Variants in RFX4 observed in about 807,000 individuals in gnomAD.
RFX4 encodes the protein regulatory factor X4.
Under a neutral mutation model 95.0 loss-of-function variants are expected in RFX4, and 10 were observed. The observed-to-expected ratio is 0.11, with a 90% CI of 0.06 to 0.18. The LOEUF (loss-of-function observed/expected upper bound fraction) is 0.18, where lower values mean the gene tolerates loss of function less well. Among genes scored for constraint, RFX4 ranks in the 10% least tolerant of loss-of-function variants. The pLI, the probability that RFX4 is intolerant of heterozygous loss-of-function variation, is 1.00. For missense variants in RFX4, 640 were observed against 922.0 expected (o/e 0.69, Z 3.96); for synonymous variants, 321 against 340.7 (o/e 0.94, Z 0.64).
At chr12:106,611,929 G>T (rs1179491735) in intron 2 of RFX4, among the ~76,000 whole-genome samples, 1 of 152,212 alleles carries the variant, frequency 6.6e-6, no homozygotes, top group African/African-American at 2.4e-5. Context: ...ATTTGATCAT[G>T]TATGTGGAGG....
chr12:106,603,640 A>G (rs1364143133), intron 1 of RFX4, among the ~76,000 whole-genome samples: 1 of 152,202 alleles, frequency 6.6e-6, no homozygotes, highest in African/African-American at 2.4e-5. Flanking sequence ...ATTTTTATAG[A>G]TCAAGAATGA....
intron 10 of RFX4, among the ~76,000 whole-genome samples, chr12:106,713,359 G>A (rs186251527): frequency 6.6e-6 from 1 of 152,150 alleles, no homozygotes; most frequent in Non-Finnish European, 1.5e-5. Context: ...GCCCAATACT[G>A]TGCTTAGTGG....
At chr12:106,635,280 T>G (rs1027329742) in intron 2 of RFX4, among the ~76,000 whole-genome samples, 1 of 152,176 alleles carries the variant, frequency 6.6e-6, no homozygotes, top group Non-Finnish European at 1.5e-5. Context: ...AGATTTTGGT[T>G]GTTTTTCTTG....
intron 8 of RFX4, among the ~76,000 whole-genome samples, chr12:106,697,820 C>A (rs1181734436): frequency 6.6e-6 from 1 of 152,194 alleles, no homozygotes; most frequent in East Asian, 1.9e-4. Context: ...GGATGATGTC[C>A]TAGCCTAGGC....
At chr12:106,714,742 C>G (rs758406669) in intron 10 of RFX4, among the ~76,000 whole-genome samples, 25 of 152,088 alleles carry the variant, frequency 1.6e-4, no homozygotes, top group Non-Finnish European at 2.8e-4. Flanking sequence ...AAAAAAAATA[C>G]ATATATATAA....
intron 3 of RFX4, among the ~76,000 whole-genome samples, chr12:106,651,957 G>A (rs1360234960): frequency 2.0e-5 from 3 of 152,192 alleles, no homozygotes; most frequent in Admixed American, 1.3e-4. Context: ...CTACAAGTTT[G>A]TACGCGAGCT....
chr12:106,590,472 C>T (rs1037194138), intron 1 of RFX4, among the ~76,000 whole-genome samples: 1 of 152,132 alleles, frequency 6.6e-6, no homozygotes, highest in African/African-American at 2.4e-5. Flanking sequence ...TAGAAGCTGA[C>T]ATGTTCAATA....
At chr12:106,753,489 G>T (rs933697550) in intron 17 of RFX4, among the ~76,000 whole-genome samples, 3 of 152,110 alleles carry the variant, frequency 2.0e-5, no homozygotes, top group South Asian at 4.2e-4. Flanking sequence ...TGACGCGCAC[G>T]GAGACCCTAA....
chr12:106,714,774 C>T (rs567724545), intron 10 of RFX4: 5 of 152,140 alleles, frequency 3.3e-5, no homozygotes, highest in African/African-American at 1.2e-4. Context: ...CTATACACAT[C>T]CCTCCATCCA....
At chr12:106,611,895 G>T (rs1438170162) in intron 2 of RFX4, among the ~76,000 whole-genome samples, 1 of 152,182 alleles carries the variant, frequency 6.6e-6, no homozygotes, top group Non-Finnish European at 1.5e-5. Flanking sequence ...CCCATTGAAT[G>T]TCTTGGCACC....
At chr12:106,599,046 CAACAGGAGATGGCACTG>C (rs914775304) in intron 1 of RFX4, among the ~76,000 whole-genome samples, 1 of 152,098 alleles carries the variant, frequency 6.6e-6, no homozygotes, top group African/African-American at 2.4e-5. Context: ...AATTTATCTT[CAACAGGAGATGGCACTG>C]AACACCTTAG....
intron 17 of RFX4, among the ~76,000 whole-genome samples, chr12:106,758,486 C>T (rs926715708): frequency 1.3e-5 from 2 of 152,206 alleles, no homozygotes; most frequent in African/African-American, 2.4e-5. Context: ...ACAGCTGTGT[C>T]GAGGGTCCTT....
In RFX4 at chr12:106,679,373, T is replaced by C. The variant is rs1486167990; in HGVS notation, c.316-2620T>C. On this transcript the variant is annotated intron_variant, in intron 4 of 17. Transcript: ENST00000392842. ...GGTAGGCTGAGGCAGGAGAATCACT[T>C]GAACCCAGGAGGTGGAGGTTGCAGT... 2.6e-5 allele frequency among the ~76,000 whole-genome samples: 4 copies of C among 152,002 alleles called. No homozygotes were observed. In the East Asian group the frequency reaches 7.7e-4, roughly 29 times the overall value.
intron 1 of RFX4, among the ~76,000 whole-genome samples, chr12:106,604,269 TG>T (rs1353216930): frequency 1.3e-5 from 2 of 151,966 alleles, no homozygotes. Flanking sequence ...TACAGGCGTG[TG>T]CTGCCCACAC....
At chr12:106,613,335 T>C (rs1163625104) in intron 2 of RFX4, among the ~76,000 whole-genome samples, 8 of 151,116 alleles carry the variant, frequency 5.3e-5, no homozygotes, top group Admixed American at 5.3e-4. Context: ...GAATTCTGTT[T>C]GTTAGTATTT....
chr12:106,653,938 C>T (rs1457604816), intron 3 of RFX4, among the ~76,000 whole-genome samples: 2 of 152,130 alleles, frequency 1.3e-5, no homozygotes, highest in Admixed American at 1.3e-4. Context: ...TCTGATCTAG[C>T]CAGAACAAGG....
rs1042255111 is a variant in RFX4 at position 106,642,535 on chromosome 12, G to A, written c.191+3143G>A. Among the ~76,000 whole-genome samples, 10 of 152,182 alleles carry A rather than the reference G, an allele frequency of 6.6e-5. No individual in the cohort carries two copies. In the South Asian group the frequency reaches 1.0e-3, roughly 16 times the overall value. On this transcript the variant is annotated intron_variant, in intron 3 of 17. Transcript: ENST00000392842. ...GGAGGCTGAGACAGGAGTATCGCTT[G>A]AGCCTTGGAGATCAAGACTGTAGTG... is the stretch of plus-strand genomic sequence containing the variant.
chr12:106,677,308 GTGGAAACAGTGTGGCCT>G (rs1194839388), intron 4 of RFX4, among the ~76,000 whole-genome samples: 1 of 152,062 alleles, frequency 6.6e-6, no homozygotes, highest in African/African-American at 2.4e-5. Context: ...CTTGGGGTGA[GTGGAAACAGTGTGGCCT>G]TGGCATTCCA....
chr12:106,711,216 G>A (rs774188865), intron 9 of RFX4, among the ~76,000 whole-genome samples: 1 of 152,168 alleles, frequency 6.6e-6, no homozygotes, highest in Non-Finnish European at 1.5e-5. Context: ...TGTATCGTGT[G>A]CATGACTTTG....
Sources: gnomAD v4.1 joint callset for allele counts (sites outside exome capture counted in the v4.1 genomes callset) on GRCh38, gnomAD v4.1.1 for gene constraint, MANE v1.5 for transcripts, NCBI Gene and HGNC (gene_info 2026-07-23, HGNC 2026-07-21) for gene names.